Variants in FAR2 observed in about 807,000 individuals in gnomAD.
FAR2 encodes the protein fatty acyl-CoA reductase 2.
A neutral mutation model predicts 56.0 loss-of-function variants in FAR2; 19 were observed. The observed-to-expected ratio is 0.34, with a 90% CI of 0.24 to 0.50. The LOEUF (loss-of-function observed/expected upper bound fraction) is 0.50. FAR2 is among the 20% of genes least tolerant of loss of function. The pLI is 0.98. For missense variants in FAR2, 508 were observed against 642.2 expected, an observed-to-expected ratio of 0.79 and a Z score of 2.26; for synonymous variants, 219 against 218.8, an observed-to-expected ratio of 1.00 and a Z score of -0.01.
chr12:29,315,807 G>C (rs971735405), intron 8 of FAR2, among the ~76,000 whole-genome samples: 38 of 152,286 alleles, frequency 2.5e-4, no homozygotes, highest in African/African-American at 8.9e-4. Context: ...CATTGGGAAG[G>C]GGGTGGTTGG....
intron 1 of FAR2, among the ~76,000 whole-genome samples, chr12:29,217,886 T>C (rs1254562958): frequency 6.6e-6 from 1 of 151,924 alleles, no homozygotes; most frequent in Non-Finnish European, 1.5e-5. Flanking sequence ...AAAATAACTA[T>C]TGCAAACGTG....
At chr12:29,195,432 G>T (rs1011643276) in intron 1 of FAR2, among the ~76,000 whole-genome samples, 2 of 152,000 alleles carry the variant, frequency 1.3e-5, no homozygotes, top group Non-Finnish European at 2.9e-5. Context: ...CCATTTAAAA[G>T]GATAAAAATG....
At chr12:29,312,089 G>A (rs906570043) in intron 8 of FAR2, 139 bp downstream of exon 8, 3 of 591,304 alleles carry the variant, frequency 5.1e-6, no homozygotes, top group Non-Finnish European at 8.9e-6. Context: ...ATGAGAAATT[G>A]TAAATGTGTG....
In FAR2 at chr12:29,170,726, ACTC is replaced by A. The variant is rs534763574; in HGVS notation, c.-39+21323_-39+21325del. ...TTCTGTCTCTTTCTCTGTCTCTCTG[ACTC>A]CTCTTTGTCTCTGTCTCTTCCTCTC... On this transcript the variant is annotated intron_variant, in intron 1 of 11. Coordinates refer to ENST00000536681, the MANE Select transcript of FAR2 (RefSeq NM_001271783.2). Among the ~76,000 whole-genome samples, 393 of 129,506 alleles carry A rather than the reference ACTC, an allele frequency of 3.0e-3. 1 individual carries two copies. The highest frequency in any genetic ancestry group is 0.011 in the African/African-American group (374 of 32,772). 85.0% of individuals were successfully genotyped at this position (129,506 alleles called of 152,430 possible).
chr12:29,240,259 G>T (rs1034585722), intron 1 of FAR2, among the ~76,000 whole-genome samples: 1 of 152,132 alleles, frequency 6.6e-6, no homozygotes, highest in African/African-American at 2.4e-5. Flanking sequence ...AAGCATTCTG[G>T]AAGTCAGAGC....
intron 2 of FAR2, chr12:29,277,839 C>A (rs1364003818): frequency 6.6e-6 from 1 of 151,680 alleles, no homozygotes; most frequent in African/African-American, 2.4e-5. Flanking sequence ...GAGAAATAGA[C>A]ATTTAAGAAG....
Position 29,307,842 on chromosome 12 carries a change from C to T in FAR2, c.723+7C>T. ...TTGGCAGGAGCCTTTCCCAGTAAGC[C>T]CACTTACCTGGATTCTGTGTTTTGC... On this transcript the variant is annotated splice_region_variant and intron_variant, in intron 5 of 11. Coordinates refer to ENST00000536681, the MANE Select transcript of FAR2 (RefSeq NM_001271783.2). 1.2e-6 allele frequency: 2 copies of T among 1,605,718 alleles called. No homozygotes were observed. The highest frequency in any genetic ancestry group is 8.5e-7 in the Non-Finnish European group (1 of 1,177,832).
At chr12:29,169,111 A>G (rs556348754) in intron 1 of FAR2, among the ~76,000 whole-genome samples, 192 of 152,274 alleles carry the variant, frequency 1.3e-3, no homozygotes, top group African/African-American at 4.5e-3. Context: ...AGCTAGACAG[A>G]AAAGTTCTCC....
intron 1 of FAR2, among the ~76,000 whole-genome samples, chr12:29,182,975 A>AG (rs1950006400): frequency 6.9e-6 from 1 of 144,534 alleles, no homozygotes; most frequent in African/African-American, 2.6e-5. Flanking sequence ...TTGACTCCAT[A>AG]GTCCATTCCA....
chr12:29,166,792 G>A (rs936514072), intron 1 of FAR2, among the ~76,000 whole-genome samples: 15 of 152,332 alleles, frequency 9.8e-5, no homozygotes, highest in Admixed American at 8.5e-4. Context: ...CTCTTGGACA[G>A]TGACCTTCTT....
intron 10 of FAR2, among the ~76,000 whole-genome samples, chr12:29,325,482 T>C (rs192967521): frequency 2.1e-4 from 32 of 152,240 alleles, no homozygotes; most frequent in Admixed American, 4.6e-4. Flanking sequence ...TATTCCAAAA[T>C]TGACCACATA....
chr12:29,176,103 C>G (rs1263675570), intron 1 of FAR2, among the ~76,000 whole-genome samples: 1 of 152,186 alleles, frequency 6.6e-6, no homozygotes, highest in Non-Finnish European at 1.5e-5. Context: ...TTCAAAAGCA[C>G]TAAACATAGC....
At chr12:29,307,202 C>T (rs1212848439) in intron 4 of FAR2, among the ~76,000 whole-genome samples, 1 of 151,986 alleles carries the variant, frequency 6.6e-6, no homozygotes, top group Non-Finnish European at 1.5e-5. Flanking sequence ...TATGAGCTTG[C>T]TAGAGAGGAA....
At chr12:29,230,716 A>G (rs1338813029) in intron 1 of FAR2, among the ~76,000 whole-genome samples, 1 of 152,108 alleles carries the variant, frequency 6.6e-6, no homozygotes, top group East Asian at 1.9e-4. Flanking sequence ...GGGATTTGCC[A>G]AAGGAATGGA....
chr12:29,153,571 G>A (rs1207764718), intron 1 of FAR2, among the ~76,000 whole-genome samples: 1 of 152,136 alleles, frequency 6.6e-6, no homozygotes, highest in Non-Finnish European at 1.5e-5. Context: ...AATTTGAGTG[G>A]GTTGCCATTG....
intron 1 of FAR2, among the ~76,000 whole-genome samples, chr12:29,244,832 G>A (rs1460083534): frequency 3.9e-5 from 6 of 152,166 alleles, no homozygotes; most frequent in Non-Finnish European, 8.8e-5. Context: ...TAAAGAACTT[G>A]TACAGCAGAA....
intron 2 of FAR2, among the ~76,000 whole-genome samples, chr12:29,292,530 T>C (rs1948987617): frequency 6.6e-6 from 1 of 152,210 alleles, no homozygotes; most frequent in Non-Finnish European, 1.5e-5. Context: ...AGCATGCTTA[T>C]GATTGATTAA....
chr12:29,308,467 G>A (rs2136783812), intron 5 of FAR2, among the ~76,000 whole-genome samples: 1 of 151,922 alleles, frequency 6.6e-6, no homozygotes, highest in East Asian at 1.9e-4. Flanking sequence ...CCTACTAAAA[G>A]GCTCAACAAA....
chr12:29,317,143 C>A (rs1199866877), intron 9 of FAR2, 131 bp downstream of exon 9: 4 of 933,948 alleles, frequency 4.3e-6, no homozygotes, highest in Non-Finnish European at 5.9e-6. Flanking sequence ...AGATTGAACA[C>A]ACCTAATCTG....
Sources: gnomAD v4.1 joint callset for allele counts (sites outside exome capture counted in the v4.1 genomes callset) on GRCh38, gnomAD v4.1.1 for gene constraint, MANE v1.5 for transcripts, NCBI Gene and HGNC (gene_info 2026-07-23, HGNC 2026-07-21) for gene names.